Variants in TERF2 observed in about 807,000 individuals in gnomAD.
TERF2 encodes the protein telomeric repeat-binding factor 2.
Under a neutral mutation model 56.1 loss-of-function variants are expected in TERF2, and 16 were observed. That is an observed-to-expected ratio of 0.29 (90% CI 0.19 to 0.43). The LOEUF (loss-of-function observed/expected upper bound fraction) is 0.43. TERF2 is among the 20% of genes least tolerant of loss of function. TERF2 has a pLI of 1.00. For synonymous variants in TERF2, 296 were observed against 282.1 expected (o/e 1.05, Z -0.50); for missense variants, 547 against 712.9 (o/e 0.77, Z 2.65).
chr16:69,370,808 C>T (rs939536636), intron 4 of TERF2, among the ~76,000 whole-genome samples, 179 bp from the exon 5 acceptor site: 3 of 152,130 alleles, frequency 2.0e-5, no homozygotes, highest in African/African-American at 7.2e-5. Context: ...GGTTCAGCCA[C>T]AGTGGGTTAC....
Position 69,385,452 on chromosome 16 carries a change from G to A in TERF2, c.414C>T (p.Thr138=), listed in dbSNP as rs201224027. The change falls in exon 2 of 10, where the codon ACC becomes ACT. Residue 138 remains threonine, a synonymous_variant. Coordinates refer to ENST00000254942, the MANE Select transcript of TERF2 (RefSeq NM_005652.5). ...LLVRPLGKEH[T]VSRLLRVMQC... ...GCATAACCCGCAGCAATCGGGACACGGTGTGCTCCTTCCCCAAGGGCCTGA... is the reference window on the plus strand; with the variant it reads ...GCATAACCCGCAGCAATCGGGACACAGTGTGCTCCTTCCCCAAGGGCCTGA... 1.2e-6 allele frequency: 2 copies of A among 1,614,072 alleles called. No homozygotes were observed. Among genetic ancestry groups the A allele is most frequent in the African/African-American group, 2.7e-5 (2 of 75,008 alleles).
At chr16:69,359,277 C>T (rs951602641) in intron 8 of TERF2, among the ~76,000 whole-genome samples, 4 of 152,180 alleles carry the variant, frequency 2.6e-5, no homozygotes, top group African/African-American at 9.7e-5. Flanking sequence ...CCTGTAATCC[C>T]AGCACTTTGG....
chr16:69,368,432 C>A lies in TERF2; in HGVS notation c.891G>T (p.Lys297Asn). ...GCCCTGGTGCTGGCTGTTTATCTTC[C>A]TTCCCTGTACTTGAGGCAGCGGACT... Reference protein sequence around the residue: ...KSESAASSTGKEDKQPAPGPV... With the variant: ...KSESAASSTGNEDKQPAPGPV... Residue 297 changes from lysine to asparagine, a missense_variant, in exon 6 of 10, where the codon AAG becomes AAT. Coordinates refer to ENST00000254942, the MANE Select transcript of TERF2 (RefSeq NM_005652.5). 1 of 1,614,148 alleles carries A rather than the reference C, an allele frequency of 6.2e-7. No individual in the cohort carries two copies. The highest frequency in any genetic ancestry group is 1.1e-5 in the South Asian group (1 of 91,076).
intron 2 of TERF2, among the ~76,000 whole-genome samples, chr16:69,385,172 G>A (rs1310280010): frequency 6.6e-6 from 1 of 151,924 alleles, no homozygotes; most frequent in Non-Finnish European, 1.5e-5. Context: ...TTAACAGGTG[G>A]GAGAAGATTT....
At chr16:69,385,250 A>C (rs2014149651) in intron 2 of TERF2, 141 bp downstream of exon 2, 1 of 701,804 alleles carries the variant, frequency 1.4e-6, no homozygotes, top group South Asian at 1.8e-5. Flanking sequence ...CGAGCCAGAA[A>C]ACAGACCCAT....
At chr16:69,379,901 G>A (rs1027971332) in intron 3 of TERF2, among the ~76,000 whole-genome samples, 9 of 151,994 alleles carry the variant, frequency 5.9e-5, no homozygotes, top group South Asian at 2.1e-4. Context: ...GTTGTGATGT[G>A]TTATTTTGGT....
At chr16:69,384,996 G>C (rs2014136685) in intron 2 of TERF2, among the ~76,000 whole-genome samples, 1 of 152,060 alleles carries the variant, frequency 6.6e-6, no homozygotes, top group Non-Finnish European at 1.5e-5. Context: ...ATCCTCCTCA[G>C]ATACGAGTGG....
rs2013432168 is a variant in TERF2 at position 69,368,389 on chromosome 16, T to C, written c.934A>G (p.Arg312Gly). 4 of 1,613,926 alleles carry C rather than the reference T, an allele frequency of 2.5e-6. No homozygotes were observed. The highest frequency in any genetic ancestry group is 3.4e-6 in the Non-Finnish European group (4 of 1,180,020). The stretch of plus-strand genomic sequence containing the variant: ...GCATCTTTTTACCTTGCGGGTTCTC[T>C]GGGTGGCTTTTCCACAGGCCCTGGT... Reference protein sequence around the residue: ...PAPGPVEKPPREPARQLRNPP... With the variant: ...PAPGPVEKPPGEPARQLRNPP... The change falls in exon 6 of 10, where the codon AGA (arginine) becomes GGA (glycine). Residue 312 changes from arginine to glycine, a missense_variant. Physicochemically the swap from Arg to Gly is moderately radical, Grantham distance 125. Transcript: ENST00000254942.
intron 5 of TERF2, among the ~76,000 whole-genome samples, chr16:69,369,835 C>T (rs2013497601): frequency 6.6e-6 from 1 of 152,204 alleles, no homozygotes; most frequent in South Asian, 2.1e-4. Flanking sequence ...GCAACTCCAT[C>T]GTACCACATC....
chr16:69,360,063 T>C (rs2013074520), intron 8 of TERF2, among the ~76,000 whole-genome samples: 1 of 151,402 alleles, frequency 6.6e-6, no homozygotes, highest in South Asian at 2.1e-4. Context: ...ACGCCCAGCC[T>C]AGAATTTTCA....
chr16:69,377,501 T>C (rs560504584), intron 3 of TERF2, among the ~76,000 whole-genome samples: 2 of 152,224 alleles, frequency 1.3e-5, no homozygotes, highest in East Asian at 3.9e-4. Context: ...CTAATTTTTG[T>C]ATTTTTAGTA....
chr16:69,382,921 A>G lies in TERF2; in HGVS notation c.606+1659T>C, dbSNP rs2014056849. On this transcript the variant is annotated intron_variant, in intron 3 of 9. Transcript: ENST00000254942. ...AGTAACTTGTTACACTGCAGTAACA[A>G]TAAGCATAAGATCTAGTACGTGGTG... 2.0e-5 allele frequency among the ~76,000 whole-genome samples: 3 copies of G among 152,356 alleles called. No homozygotes were observed. The South Asian group carries it at 6.2e-4, about 32-fold the overall frequency.
At chr16:69,370,701 G>C in intron 4 of TERF2, 72 bp from the exon 5 acceptor site, 2 of 1,459,414 alleles carry the variant, frequency 1.4e-6, no homozygotes, top group Non-Finnish European at 1.9e-6. Context: ...GATGAGGTGA[G>C]ACAGACACTA....
rs774628496 is a variant in TERF2 at position 69,367,056 on chromosome 16, G to T, written c.1091C>A (p.Ala364Glu). Residue 364 changes from alanine (A) to glutamate (E), a missense_variant, in exon 7 of 10, where the codon GCA becomes GAA. This residue lies in a region of TERF2 where 211 missense variants were observed against 236.8 expected (regional missense o/e 0.89). Transcript: ENST00000254942. ...DLVLPTQALP[A>E]SPALKNKRPR... ...TCTCTTGTTTTTGAGGGCTGGTGAT[G>T]CTGGGAGAGCTTGAGTAGGAAGAAC... 6.2e-7 allele frequency: 1 copy of T among 1,614,230 alleles called. No homozygotes were observed. The highest frequency in any genetic ancestry group is 8.5e-7 in the Non-Finnish European group (1 of 1,180,042).
At chr16:69,361,287 C>T (rs1231491785) in intron 8 of TERF2, 117 bp downstream of exon 8, 5 of 722,774 alleles carry the variant, frequency 6.9e-6, no homozygotes, top group Non-Finnish European at 1.2e-5. Flanking sequence ...AGATCGGGAA[C>T]TTACTGAACT....
At chr16:69,373,661 G>T (rs143913358) in intron 3 of TERF2, among the ~76,000 whole-genome samples, 2 of 152,154 alleles carry the variant, frequency 1.3e-5, no homozygotes, top group African/African-American at 4.8e-5. Context: ...GGGAGACCCT[G>T]TCTCTCCCCC....
At chr16:69,357,483 C>T (rs757648926) in intron 9 of TERF2, 35 bp downstream of exon 9, 27 of 1,584,126 alleles carry the variant, frequency 1.7e-5, no homozygotes, top group Non-Finnish European at 1.6e-5. Flanking sequence ...GCTCTACCCA[C>T]ATAACCAGTA....
chr16:69,368,311 G>A (rs1014559379), intron 6 of TERF2, 65 bp downstream of exon 6: 2 of 1,480,258 alleles, frequency 1.4e-6, no homozygotes, highest in South Asian at 1.1e-5. Context: ...CTGGCCTAAG[G>A]AGGAGACTGC....
chr16:69,375,596 A>C (rs145234352), intron 3 of TERF2, among the ~76,000 whole-genome samples: 225 of 152,336 alleles, frequency 1.5e-3, no homozygotes, highest in African/African-American at 5.2e-3. Flanking sequence ...ATATGTAACT[A>C]ACACTTTTTA....
Sources: gnomAD v4.1 joint callset for allele counts (sites outside exome capture counted in the v4.1 genomes callset) on GRCh38, gnomAD v4.1.1 for gene constraint, gnomAD v4.1.1 regional missense constraint, MANE v1.5 for transcripts, NCBI Gene and HGNC (gene_info 2026-07-23, HGNC 2026-07-21) for gene names.